The following LINGO2 variants were observed in gnomAD, a reference collection of about 807,000 sequenced individuals.
LINGO2 encodes the protein leucine-rich repeat and immunoglobulin-like domain-containing nogo receptor-interacting protein 2.
A neutral mutation model predicts 30.6 loss-of-function variants in LINGO2; 14 were observed. The ratio of observed to expected loss-of-function variants is 0.46; its 90% CI spans 0.30 to 0.72. The LOEUF is 0.72. LINGO2 is among the 30% of genes least tolerant of loss of function. The probability of loss-of-function intolerance (pLI) is 0.07; values close to 1 mark genes in which losing one functional copy is unlikely to be tolerated. For synonymous variants in LINGO2, 317 were observed against 288.5 expected, an observed-to-expected ratio of 1.10 and a Z score of -1.00; for missense variants, 729 against 751.7, an observed-to-expected ratio of 0.97 and a Z score of 0.35.
chr9:29,069,584 G>A, the LINGO2 span, among the ~76,000 whole-genome samples: 1 of 151,972 alleles, frequency 6.6e-6, no homozygotes, highest in Admixed American at 6.6e-5. Context: ...CTAGGGTGCT[G>A]TAGAAACATT....
chr9:28,811,630 T>G, the LINGO2 span, among the ~76,000 whole-genome samples: 1 of 152,112 alleles, frequency 6.6e-6, no homozygotes, highest in South Asian at 2.1e-4. Flanking sequence ...CTATACTAAT[T>G]TCTACCTTGT....
chr9:28,872,023 C>T, the LINGO2 span, among the ~76,000 whole-genome samples: 1 of 151,880 alleles, frequency 6.6e-6, no homozygotes, highest in Non-Finnish European at 1.5e-5. Flanking sequence ...TTGATTTCCT[C>T]TCAATTTATA....
At chr9:28,491,478 C>T (rs1564237818) in intron 1 of LINGO2, among the ~76,000 whole-genome samples, 1 of 152,166 alleles carries the variant, frequency 6.6e-6, no homozygotes, top group Non-Finnish European at 1.5e-5. Context: ...TCACAGGTTC[C>T]AAGCAGCAGG....
intron 1 of LINGO2, among the ~76,000 whole-genome samples, chr9:28,581,467 T>G (rs10968661): frequency 0.083 from 12,559 of 151,174 alleles, 694 homozygotes; most frequent in East Asian, 0.17. Flanking sequence ...AAAAGGAAAA[T>G]CCAAAGGTCT....
the LINGO2 span, among the ~76,000 whole-genome samples, chr9:28,941,133 G>A: frequency 1.8e-4 from 27 of 152,020 alleles, no homozygotes; most frequent in African/African-American, 4.6e-4. Context: ...TTCAGCAAGG[G>A]CAATAAATGG....
the LINGO2 span, among the ~76,000 whole-genome samples, chr9:28,988,632 C>T: frequency 6.6e-6 from 1 of 152,136 alleles, no homozygotes; most frequent in Non-Finnish European, 1.5e-5. Flanking sequence ...CATACAGTTA[C>T]CCACAATATT....
At chr9:28,773,675 A>G in the LINGO2 span, among the ~76,000 whole-genome samples, 1 of 152,178 alleles carries the variant, frequency 6.6e-6, no homozygotes, top group African/African-American at 2.4e-5. Context: ...TGTTTGACCA[A>G]ATAGTAAGAT....
intron 1 of LINGO2, among the ~76,000 whole-genome samples, chr9:28,480,122 G>A (rs1490387330): frequency 6.6e-6 from 1 of 151,166 alleles, no homozygotes; most frequent in Admixed American, 6.6e-5. Flanking sequence ...GGTCAATAAT[G>A]GTTTCACTTA....
At chr9:28,230,955 T>G (rs76414700) in intron 4 of LINGO2, among the ~76,000 whole-genome samples, 2,178 of 152,060 alleles carry the variant, frequency 0.014, 52 homozygotes, top group African/African-American at 0.05. Flanking sequence ...ACTTAACTAA[T>G]GAAATAGTCA....
intron 4 of LINGO2, among the ~76,000 whole-genome samples, chr9:28,292,146 G>A (rs1823753023): frequency 6.6e-6 from 1 of 152,178 alleles, no homozygotes; most frequent in South Asian, 2.1e-4. Flanking sequence ...GTTTGGATAA[G>A]TTAGGCTCCA....
At chr9:28,153,426 A>T (rs1564005675) in intron 4 of LINGO2, among the ~76,000 whole-genome samples, 1 of 152,154 alleles carries the variant, frequency 6.6e-6, no homozygotes, top group Non-Finnish European at 1.5e-5. Flanking sequence ...TGTCTAGATT[A>T]TTTATTGCTG....
At chr9:28,335,454 A>G (rs1322422774) in intron 3 of LINGO2, among the ~76,000 whole-genome samples, 1 of 152,180 alleles carries the variant, frequency 6.6e-6, no homozygotes, top group Non-Finnish European at 1.5e-5. Flanking sequence ...TCTACTGCAC[A>G]AAATATCCAT....
chr9:28,428,125 T>C (rs1012388637), intron 2 of LINGO2, among the ~76,000 whole-genome samples: 8 of 152,096 alleles, frequency 5.3e-5, no homozygotes, highest in African/African-American at 1.9e-4. Flanking sequence ...AAAAAGGTAA[T>C]GGGTTGAAGC....
the LINGO2 span, among the ~76,000 whole-genome samples, chr9:29,179,558 C>G: frequency 6.6e-6 from 1 of 152,004 alleles, no homozygotes; most frequent in African/African-American, 2.4e-5. Flanking sequence ...ATGTGTGCCA[C>G]CATGTCTGGC....
At chr9:28,715,006 C>A in the LINGO2 span, among the ~76,000 whole-genome samples, 1 of 152,154 alleles carries the variant, frequency 6.6e-6, no homozygotes, top group Non-Finnish European at 1.5e-5. Context: ...CCATCTGTAT[C>A]TTTTGTATTT....
chr9:28,673,570 G>A (rs1829100584), upstream of LINGO2, among the ~76,000 whole-genome samples: 1 of 151,918 alleles, frequency 6.6e-6, no homozygotes, highest in Non-Finnish European at 1.5e-5. Flanking sequence ...GGGAGGCTGA[G>A]GTAGAAGAAT....
At chr9:28,018,318 A>T (rs1042983713) in intron 4 of LINGO2, among the ~76,000 whole-genome samples, 5 of 152,206 alleles carry the variant, frequency 3.3e-5, no homozygotes, top group African/African-American at 9.6e-5. Context: ...CATGATGAAG[A>T]TGCCAAAAGC....
At chr9:28,603,800 C>T (rs1253435883) in intron 1 of LINGO2, among the ~76,000 whole-genome samples, 2 of 151,946 alleles carry the variant, frequency 1.3e-5, no homozygotes, top group Non-Finnish European at 2.9e-5. Context: ...GGCATAGTTC[C>T]TAGTGTTTTT....
At chr9:28,167,579 G>A (rs971747130) in intron 4 of LINGO2, among the ~76,000 whole-genome samples, 4 of 152,176 alleles carry the variant, frequency 2.6e-5, no homozygotes, top group African/African-American at 9.6e-5. Context: ...TAGAGGTGGG[G>A]TTTTGCCACG....
Sources: gnomAD v4.1 joint callset for allele counts (sites outside exome capture counted in the v4.1 genomes callset) on GRCh38, gnomAD v4.1.1 for gene constraint, MANE v1.5 for transcripts, NCBI Gene and HGNC (gene_info 2026-07-23, HGNC 2026-07-21) for gene names.